Variants in TP53BP2 observed in about 807,000 individuals in gnomAD.
TP53BP2 encodes the protein apoptosis-stimulating of p53 protein 2.
A neutral mutation model predicts 126.2 loss-of-function variants in TP53BP2; 62 were observed. That is an observed-to-expected ratio of 0.49 (90% CI 0.40 to 0.61). TP53BP2 has a LOEUF of 0.61. Among genes scored for constraint, TP53BP2 ranks in the 20% least tolerant of loss-of-function variants. The pLI, the probability that TP53BP2 is intolerant of heterozygous loss-of-function variation, is 0.00. For missense variants in TP53BP2, 1,215 were observed against 1,402.8 expected (o/e 0.87, Z 2.14); for synonymous variants, 485 against 502.9 (o/e 0.96, Z 0.48).
chr1:223,794,869 T>G (rs1662265595), intron 13 of TP53BP2, among the ~76,000 whole-genome samples: 1 of 152,240 alleles, frequency 6.6e-6, no homozygotes, highest in South Asian at 2.1e-4. Context: ...TGGACAATTA[T>G]TATCTTTGAA....
intron 9 of TP53BP2, 76 bp downstream of exon 9, chr1:223,802,040 G>C (rs927069078): frequency 3.6e-6 from 5 of 1,378,332 alleles, no homozygotes; most frequent in Admixed American, 2.0e-5. Context: ...AATACAAAGA[G>C]AGATTTTTTT....
At position 223,798,373 on chromosome 1, in the gene TP53BP2, T is replaced by C. The variant is rs766242585; in HGVS notation, c.1790A>G (p.Lys597Arg). 14 of 1,613,952 alleles carry C rather than the reference T, an allele frequency of 8.7e-6. No homozygotes were observed. Among genetic ancestry groups the C allele is most frequent in the Non-Finnish European group, 1.2e-5 (14 of 1,180,014 alleles). ...AVRPFTPQPS[K>R]DTLLPPFRKP... ...TCTGAAGGGTGGAAGTAAGGTGTCT[T>C]TGGAAGGCTGGGGAGTAAAGGGCCG... The change falls in exon 12 of 18, where the codon AAA (lysine) becomes AGA (arginine). Residue 597 changes from lysine to arginine, a missense_variant. Around this residue, in one of 4 missense-constraint regions of TP53BP2, gnomAD observed 814 missense variants for 853.0 expected, o/e 0.95. Transcript: ENST00000343537.
chr1:223,804,021 C>T (rs1662625685), intron 6 of TP53BP2, among the ~76,000 whole-genome samples, 153 bp downstream of exon 6: 1 of 152,140 alleles, frequency 6.6e-6, no homozygotes, highest in Admixed American at 6.5e-5. Flanking sequence ...TGGTGGCTTG[C>T]ACCTGTAACC....
At chr1:223,821,861 T>C (rs1203356823) in intron 1 of TP53BP2, among the ~76,000 whole-genome samples, 1 of 151,910 alleles carries the variant, frequency 6.6e-6, no homozygotes, top group Non-Finnish European at 1.5e-5. Flanking sequence ...AATCTTTATA[T>C]AATGTACATA....
intron 15 of TP53BP2, 152 bp downstream of exon 15, chr1:223,792,237 T>C: frequency 1.1e-6 from 1 of 896,802 alleles, no homozygotes; most frequent in South Asian, 1.9e-5. Context: ...TGTTAATTCC[T>C]CAAAAATAGA....
chr1:223,811,035 G>C (rs1662893114), intron 3 of TP53BP2, among the ~76,000 whole-genome samples: 2 of 152,224 alleles, frequency 1.3e-5, no homozygotes, highest in Non-Finnish European at 2.9e-5. Context: ...ACATTTTGTG[G>C]TAATTTGTAA....
At chr1:223,821,529 G>A in intron 1 of TP53BP2, 162 bp from the exon 2 acceptor site, 1 of 923,420 alleles carries the variant, frequency 1.1e-6, no homozygotes, top group Non-Finnish European at 1.8e-6. Context: ...ACTGGGGGTT[G>A]AGGGAGACCT....
At chr1:223,839,092 A>G (rs1664020050) in intron 1 of TP53BP2, among the ~76,000 whole-genome samples, 1 of 151,282 alleles carries the variant, frequency 6.6e-6, no homozygotes, top group South Asian at 2.1e-4. Flanking sequence ...TTTTGAAGTT[A>G]CCATTAGCCA....
rs1662066524 is a variant in TP53BP2, at chr1:223,789,093, G to A, written c.3078C>T (p.Ala1026=). The change falls in exon 16 of 18, where the codon GCC becomes GCT. Residue 1026 remains alanine, a synonymous_variant. Coordinates refer to ENST00000343537, the MANE Select transcript of TP53BP2 (RefSeq NM_001031685.3). ...CAGTCTGCATGTCACTGTAGGTCAT[G>A]GCAAACACAGCGGCTCCTGACTCCA... is the stretch of plus-strand genomic sequence containing the variant. The part of the protein sequence containing the change: ...FLVESGAAVF[A]MTYSDMQTAA... 1 of 1,614,048 alleles carries A rather than the reference G, an allele frequency of 6.2e-7. No individual in the cohort carries two copies. The highest frequency in any genetic ancestry group is 1.7e-5 in the Admixed American group (1 of 59,996).
At chr1:223,803,917 G>A (rs1410343602) in intron 6 of TP53BP2, among the ~76,000 whole-genome samples, 2 of 152,166 alleles carry the variant, frequency 1.3e-5, no homozygotes, top group Non-Finnish European at 2.9e-5. Context: ...ACATTCAACA[G>A]CTGAATTCAA....
chr1:223,786,030 G>A (rs933382431), intron 16 of TP53BP2, among the ~76,000 whole-genome samples: 2 of 152,010 alleles, frequency 1.3e-5, no homozygotes, highest in African/African-American at 4.8e-5. Flanking sequence ...GAGGGAAACA[G>A]CACACATGTC....
intron 7 of TP53BP2, 66 bp downstream of exon 7, chr1:223,803,205 C>T (rs186811187): frequency 2.0e-6 from 3 of 1,515,522 alleles, no homozygotes; most frequent in African/African-American, 2.8e-5. Context: ...CCTCTTGCTA[C>T]TTATATGAGC....
At chr1:223,833,326 T>G (rs1445196494) in intron 1 of TP53BP2, among the ~76,000 whole-genome samples, 1 of 152,228 alleles carries the variant, frequency 6.6e-6, no homozygotes, top group Non-Finnish European at 1.5e-5. Context: ...AAAGGATTTT[T>G]TTTACTTCAT....
intron 1 of TP53BP2, 44 bp downstream of exon 1, chr1:223,845,610 C>G: frequency 1.3e-6 from 2 of 1,532,964 alleles, no homozygotes; most frequent in Non-Finnish European, 1.7e-6. Flanking sequence ...GCACGCGACC[C>G]CGCACACTTC....
At position 223,814,479 on chromosome 1, in the gene TP53BP2, T is replaced by C. The variant is rs1036524631; in HGVS notation, c.176-126A>G. 8 of 684,542 alleles carry C rather than the reference T, an allele frequency of 1.2e-5. No individual in the cohort carries two copies. The African/African-American group carries it at 1.4e-4, about 12-fold the overall frequency. The allele number at this position is 684,542 out of a possible 1,614,324, so 42.4% of individuals were successfully genotyped here. A position where few individuals can be genotyped will look rare whatever the true frequency, so the allele number is the denominator to read the frequency against. ...ACAAATGCTTAGTATCTCAGGTAAA[T>C]TTTTTTCATTAAAACACGTCTTAGA... On this transcript the variant is annotated intron_variant, in intron 2 of 17. Transcript: ENST00000343537.
At chr1:223,789,582 A>T (rs1408706946) in intron 15 of TP53BP2, among the ~76,000 whole-genome samples, 1 of 152,234 alleles carries the variant, frequency 6.6e-6, no homozygotes, top group Admixed American at 6.5e-5. Context: ...CCTTCACTCA[A>T]AACACTGGCC....
intron 1 of TP53BP2, among the ~76,000 whole-genome samples, chr1:223,823,762 G>C (rs1663397751): frequency 6.6e-6 from 1 of 152,172 alleles, no homozygotes; most frequent in African/African-American, 2.4e-5. Context: ...TTCAGTGATG[G>C]AGACAAATAA....
At chr1:223,824,911 C>T (rs1413260523) in intron 1 of TP53BP2, among the ~76,000 whole-genome samples, 8 of 151,812 alleles carry the variant, frequency 5.3e-5, no homozygotes, top group East Asian at 3.9e-4. Context: ...ATTTGGAATG[C>T]GCTTCTTTGT....
intron 7 of TP53BP2, 120 bp downstream of exon 7, chr1:223,803,151 C>G (rs1013395512): frequency 3.1e-6 from 4 of 1,273,138 alleles, no homozygotes; most frequent in Admixed American, 4.6e-5. Context: ...GGGTTCCCCC[C>G]ACAACCTGCC....
Sources: gnomAD v4.1 joint callset for allele counts (sites outside exome capture counted in the v4.1 genomes callset) on GRCh38, gnomAD v4.1.1 for gene constraint, gnomAD v4.1.1 regional missense constraint, MANE v1.5 for transcripts, NCBI Gene and HGNC (gene_info 2026-07-23, HGNC 2026-07-21) for gene names.